Variants in POU2F3 observed in about 807,000 individuals in gnomAD.
POU2F3 encodes POU domain, class 2, transcription factor 3.
A neutral mutation model predicts 59.2 loss-of-function variants in POU2F3; 23 were observed. That is an observed-to-expected ratio of 0.39 (90% CI 0.28 to 0.55). The LOEUF is 0.55. Ranked by LOEUF, POU2F3 falls within the 20% of genes least tolerant of loss-of-function variation. The pLI is 0.66. For missense variants in POU2F3, 473 were observed against 544.5 expected, an observed-to-expected ratio of 0.87 and a Z score of 1.31; for synonymous variants, 190 against 214.6, an observed-to-expected ratio of 0.89 and a Z score of 1.00.
At chr11:120,262,624 A>G (rs999577408) in intron 2 of POU2F3, among the ~76,000 whole-genome samples, 3 of 152,250 alleles carry the variant, frequency 2.0e-5, no homozygotes, top group African/African-American at 7.2e-5. Flanking sequence ...AGTATCTTAA[A>G]ATATGCACAC....
At chr11:120,290,985 G>A (rs1941000830) in intron 3 of POU2F3, among the ~76,000 whole-genome samples, 3 of 152,218 alleles carry the variant, frequency 2.0e-5, no homozygotes, top group Admixed American at 2.0e-4. Context: ...CCTAATGGGG[G>A]AGGTAAGAGC....
rs374712708 is a variant in POU2F3 at position 120,305,751 on chromosome 11, C to T, written c.735C>T (p.Leu245=). ...TGAGCTTCAAGAACATGTGCAAGCT[C>T]AAGCCCCTGCTGGAGAAGTGGCTGA... ...LNLSFKNMCK[L]KPLLEKWLND... The change falls in exon 8 of 13, where the codon CTC becomes CTT. Residue 245 remains leucine, a synonymous_variant. Coordinates refer to ENST00000543440, the MANE Select transcript of POU2F3 (RefSeq NM_014352.4). 6.2e-7 allele frequency: 1 copy of T among 1,613,854 alleles called. No homozygotes were observed. The highest frequency in any genetic ancestry group is 8.5e-7 in the Non-Finnish European group (1 of 1,180,028).
At chr11:120,286,373 A>G (rs984195440) in intron 3 of POU2F3, among the ~76,000 whole-genome samples, 1 of 152,352 alleles carries the variant, frequency 6.6e-6, no homozygotes. Context: ...AGTGTACAGC[A>G]TAACACTCAA....
At chr11:120,267,495 C>G (rs147023421) in intron 2 of POU2F3, among the ~76,000 whole-genome samples, 1 of 151,618 alleles carries the variant, frequency 6.6e-6, no homozygotes, top group East Asian at 2.0e-4. Flanking sequence ...ACCTCTCCCT[C>G]TTTCTCGGGA....
At chr11:120,314,386 A>G (rs1941730207) in intron 10 of POU2F3, among the ~76,000 whole-genome samples, 1 of 152,210 alleles carries the variant, frequency 6.6e-6, no homozygotes, top group Non-Finnish European at 1.5e-5. Flanking sequence ...TTAGCTCAAA[A>G]GAAGAGTCGA....
intron 6 of POU2F3, chr11:120,303,136 A>G (rs12275681): frequency 0.095 from 14,501 of 152,234 alleles, 776 homozygotes; most frequent in South Asian, 0.13. Flanking sequence ...TAAGATCCCC[A>G]TGGCTCACCA....
chr11:120,252,691 A>G (rs1939163739), intron 2 of POU2F3, among the ~76,000 whole-genome samples: 1 of 152,210 alleles, frequency 6.6e-6, no homozygotes, highest in Non-Finnish European at 1.5e-5. Flanking sequence ...AACCTTATCA[A>G]ATAAAGCAGC....
chr11:120,317,621 G>A (rs1036285592), intron 12 of POU2F3, among the ~76,000 whole-genome samples: 5 of 152,234 alleles, frequency 3.3e-5, no homozygotes, highest in African/African-American at 1.2e-4. Flanking sequence ...TCCTTACTTT[G>A]AGGGTGGAAA....
intron 3 of POU2F3, among the ~76,000 whole-genome samples, chr11:120,287,667 T>A (rs1940833102): frequency 6.6e-6 from 1 of 151,362 alleles, no homozygotes; most frequent in South Asian, 2.1e-4. Context: ...AACTGTCAAT[T>A]GAGTAGGTTC....
chr11:120,240,483 G>A, intron 1 of POU2F3, 112 bp downstream of exon 1: 1 of 1,250,282 alleles, frequency 8.0e-7, no homozygotes, highest in Non-Finnish European at 1.0e-6. Flanking sequence ...GCGGCCAGGA[G>A]AGGGCGGTGT....
rs996288297 is a variant in POU2F3 at position 120,318,579 on chromosome 11, T to C, written c.*187T>C. On this transcript the variant is annotated 3_prime_UTR_variant, in exon 13 of 13. Coordinates refer to ENST00000543440, the MANE Select transcript of POU2F3 (RefSeq NM_014352.4). ...AGATCCAAACTGTGATTGAACCAAG[T>C]GCAGACTCCTAATGCTCTTGAAATA... 22 of 613,670 alleles carry C rather than the reference T, an allele frequency of 3.6e-5. No individual in the cohort carries two copies. Among genetic ancestry groups the C allele is most frequent in the Admixed American group, 3.0e-4 (10 of 33,834 alleles). The allele number at this position is 613,670 out of a possible 1,614,324, so 38.0% of individuals were successfully genotyped here.
chr11:120,283,122 C>A (rs1591412779), intron 3 of POU2F3, among the ~76,000 whole-genome samples: 2 of 152,366 alleles, frequency 1.3e-5, no homozygotes, highest in East Asian at 3.9e-4. Context: ...ACCACTCTGT[C>A]TGGGAGGAGG....
intron 3 of POU2F3, among the ~76,000 whole-genome samples, chr11:120,283,979 A>G (rs1940682142): frequency 1.3e-5 from 2 of 152,218 alleles, no homozygotes; most frequent in Admixed American, 1.3e-4. Context: ...GGAGTTTGAG[A>G]CCAGCCTGGC....
At chr11:120,266,568 T>C (rs1029614200) in intron 2 of POU2F3, among the ~76,000 whole-genome samples, 1 of 152,126 alleles carries the variant, frequency 6.6e-6, no homozygotes, top group Non-Finnish European at 1.5e-5. Flanking sequence ...CTGACCTCAT[T>C]ATTGTCCCTC....
intron 2 of POU2F3, among the ~76,000 whole-genome samples, chr11:120,252,358 C>G (rs1939144029): frequency 6.6e-6 from 1 of 152,004 alleles, no homozygotes; most frequent in Non-Finnish European, 1.5e-5. Context: ...AGGCCCACCA[C>G]CACCACGCCT....
intron 5 of POU2F3, 52 bp downstream of exon 5, chr11:120,299,778 T>C (rs2135282648): frequency 6.6e-7 from 1 of 1,505,728 alleles, no homozygotes; most frequent in Non-Finnish European, 9.0e-7. Context: ...AGTGCTGCTG[T>C]TGCTGCTGTT....
chr11:120,248,011 A>G (rs1651744645), intron 2 of POU2F3, among the ~76,000 whole-genome samples: 1 of 152,262 alleles, frequency 6.6e-6, no homozygotes, highest in Admixed American at 6.5e-5. Context: ...TGAGCCACAT[A>G]GAACCCTGAA....
chr11:120,305,264 T>C, intron 7 of POU2F3, 52 bp downstream of exon 7: 2 of 1,580,282 alleles, frequency 1.3e-6, no homozygotes, highest in Non-Finnish European at 1.7e-6. Context: ...GGCTGGAGAC[T>C]GGGCTTCCCA....
intron 3 of POU2F3, among the ~76,000 whole-genome samples, chr11:120,288,128 C>CAAAAAAAAAAAAAAAAAAAAAAAAGAA: frequency 3.2e-5 from 2 of 63,330 alleles, no homozygotes; most frequent in African/African-American, 6.9e-5. Flanking sequence ...ACAAAAAAAC[C>CAAAAAAAAAAAAAAAAAAAAAAAAGAA]AAAAAAAAAA....
Sources: allele counts gnomAD v4.1 joint callset (sites outside exome capture counted in the v4.1 genomes callset), GRCh38; gene constraint gnomAD v4.1.1; transcripts MANE v1.5; gene names NCBI Gene and HGNC (gene_info 2026-07-23, HGNC 2026-07-21).